The following GSTCD variants were observed in gnomAD, a reference collection of about 807,000 sequenced individuals.
GSTCD encodes glutathione S-transferase C-terminal domain containing, also known as glutathione S-transferase C-terminal domain-containing protein.
A neutral mutation model predicts 68.3 loss-of-function variants in GSTCD; 44 were observed. The ratio of observed to expected loss-of-function variants is 0.64; its 90% confidence interval spans 0.51 to 0.83. GSTCD has a LOEUF of 0.83. Ranked by LOEUF, GSTCD falls within the 40% of genes least tolerant of loss-of-function variation. The pLI is 0.00. For synonymous variants in GSTCD, 273 were observed against 255.2 expected, an observed-to-expected ratio of 1.07 and a Z score of -0.67; for missense variants, 739 against 735.9, an observed-to-expected ratio of 1.00 and a Z score of -0.05.
At chr4:105,790,558 T>C (rs1052968211) in intron 5 of GSTCD, among the ~76,000 whole-genome samples, 12 of 152,146 alleles carry the variant, frequency 7.9e-5, no homozygotes, top group Non-Finnish European at 1.5e-4. Flanking sequence ...GGAGGATCAC[T>C]TTAGCCTGGG....
intron 5 of GSTCD, among the ~76,000 whole-genome samples, chr4:105,791,078 T>C (rs926164175): frequency 4.6e-5 from 7 of 151,910 alleles, no homozygotes; most frequent in African/African-American, 1.5e-4. Flanking sequence ...TCCTCTGATA[T>C]AATAGAGAAG....
At chr4:105,751,717 A>T (rs1304343998) in intron 5 of GSTCD, among the ~76,000 whole-genome samples, 1 of 145,354 alleles carries the variant, frequency 6.9e-6, no homozygotes, top group East Asian at 1.9e-4. Context: ...GGTGTTATAG[A>T]TGTTATGTTC....
chr4:105,807,340 T>C (rs556060149), intron 5 of GSTCD: 3 of 152,204 alleles, frequency 2.0e-5, no homozygotes, highest in East Asian at 3.9e-4. Context: ...TACAGGAAAT[T>C]TGACATCAAT....
chr4:105,756,486 C>T (rs931075296), intron 5 of GSTCD, among the ~76,000 whole-genome samples: 4 of 111,518 alleles, frequency 3.6e-5, no homozygotes, highest in African/African-American at 1.4e-4. Context: ...TAGCAGAGAC[C>T]TATGCACATA....
At chr4:105,793,189 GAGT>G (rs1246585371) in intron 5 of GSTCD, among the ~76,000 whole-genome samples, 1 of 151,924 alleles carries the variant, frequency 6.6e-6, no homozygotes, top group Non-Finnish European at 1.5e-5. Flanking sequence ...CAATTAAATG[GAGT>G]TGAAACATCT....
intron 5 of GSTCD, among the ~76,000 whole-genome samples, chr4:105,731,285 G>A (rs1239604078): frequency 6.6e-6 from 1 of 152,166 alleles, no homozygotes; most frequent in African/African-American, 2.4e-5. Context: ...TTGGTAGCTT[G>A]ATGAGGATGA....
At chr4:105,738,502 T>C (rs1221243090) in intron 5 of GSTCD, among the ~76,000 whole-genome samples, 1 of 152,218 alleles carries the variant, frequency 6.6e-6, no homozygotes, top group Non-Finnish European at 1.5e-5. Context: ...TAACATATTC[T>C]TCTAAAGCAT....
intron 5 of GSTCD, among the ~76,000 whole-genome samples, chr4:105,796,072 C>T (rs1735872911): frequency 6.6e-6 from 1 of 152,064 alleles, no homozygotes; most frequent in South Asian, 2.1e-4. Flanking sequence ...AAAGACATAC[C>T]CGAGACTGGA....
At position 105,823,266 on chromosome 4, in the gene GSTCD, A is replaced by C. The variant is rs779507286; in HGVS notation, c.1392A>C (p.Pro464=). 6.2e-7 allele frequency: 1 copy of C among 1,613,774 alleles called. No homozygotes were observed. ...HVGIVLAHML[P]SCQVTLIENK... ...GAATTGTCCTTGCTCACATGCTGCC[A>C]TCATGTCAGGTAAAGCCAGAATAAG... The change falls in exon 7 of 12, where the codon CCA becomes CCC. Residue 464 remains proline, a synonymous_variant. Coordinates refer to ENST00000515279, the MANE Select transcript of GSTCD (RefSeq NM_001370181.1).
At chr4:105,728,386 T>C (rs1249624342) in intron 4 of GSTCD, among the ~76,000 whole-genome samples, 2 of 152,218 alleles carry the variant, frequency 1.3e-5, no homozygotes, top group South Asian at 2.1e-4. Context: ...AGAAGGTCAG[T>C]GTGGCTAGAC....
intron 3 of GSTCD, among the ~76,000 whole-genome samples, chr4:105,724,783 A>G (rs1172982123): frequency 6.6e-6 from 1 of 151,958 alleles, no homozygotes; most frequent in African/African-American, 2.4e-5. Flanking sequence ...GTGTTACATT[A>G]TTTGTGTTGA....
chr4:105,757,593 G>A (rs1578442699), intron 5 of GSTCD, among the ~76,000 whole-genome samples: 1 of 151,998 alleles, frequency 6.6e-6, no homozygotes, highest in Admixed American at 6.6e-5. Context: ...GCATTCTGGG[G>A]TCTCTTCATC....
At chr4:105,836,590 A>G (rs887642793) in intron 9 of GSTCD, among the ~76,000 whole-genome samples, 2 of 151,764 alleles carry the variant, frequency 1.3e-5, no homozygotes, top group Non-Finnish European at 2.9e-5. Context: ...CTTGGTGTCC[A>G]TCTCATGCTC....
chr4:105,841,664 C>T (rs1319828314), intron 10 of GSTCD, among the ~76,000 whole-genome samples: 5 of 108,046 alleles, frequency 4.6e-5, no homozygotes, highest in Middle Eastern at 4.2e-3. Context: ...GGTGAAACCC[C>T]GTTTCTATTG....
intron 5 of GSTCD, among the ~76,000 whole-genome samples, chr4:105,782,957 G>A (rs992917040): frequency 5.9e-5 from 9 of 152,182 alleles, no homozygotes; most frequent in African/African-American, 2.2e-4. Flanking sequence ...CTAAACTCAA[G>A]TAATTTTTTT....
chr4:105,779,907 C>G lies in GSTCD; in HGVS notation c.1241-43047C>G, dbSNP rs141146822. Among the ~76,000 whole-genome samples, 6 of 152,254 alleles carry G rather than the reference C, an allele frequency of 3.9e-5. No individual in the cohort carries two copies. In the East Asian group the frequency reaches 1.2e-3, roughly 29 times the overall value. On this transcript the variant is annotated intron_variant, in intron 5 of 11. Transcript: ENST00000515279. ...TTTTAAGTCAGAATTAATTTTAAAT[C>G]AACAGTGCTCTTTTATATAGAAAGA...
intron 5 of GSTCD, among the ~76,000 whole-genome samples, chr4:105,795,390 G>C (rs1240631960): frequency 1.3e-5 from 2 of 151,342 alleles, no homozygotes; most frequent in African/African-American, 4.9e-5. Flanking sequence ...GAGTATTTAT[G>C]AAGTATTTTT....
intron 5 of GSTCD, among the ~76,000 whole-genome samples, chr4:105,785,745 C>T (rs1219083043): frequency 6.6e-6 from 1 of 151,560 alleles, no homozygotes; most frequent in African/African-American, 2.4e-5. Context: ...CTTCTCTTAC[C>T]AGGACAACTA....
chr4:105,791,276 C>T (rs1735658736), intron 5 of GSTCD, among the ~76,000 whole-genome samples: 1 of 150,996 alleles, frequency 6.6e-6, no homozygotes, highest in Admixed American at 6.6e-5. Context: ...GCCTGTAGTC[C>T]CAGCTACTCG....
Sources: allele counts gnomAD v4.1 joint callset (sites outside exome capture counted in the v4.1 genomes callset), GRCh38; gene constraint gnomAD v4.1.1; transcripts MANE v1.5; gene names NCBI Gene and HGNC (gene_info 2026-07-23, HGNC 2026-07-21).